The following FGF14 variants were observed in gnomAD, a reference collection of about 807,000 sequenced individuals.
FGF14 encodes the protein fibroblast growth factor 14.
In FGF14, 5 loss-of-function variants were observed where a neutral mutation model predicts 25.5. The ratio of observed to expected loss-of-function variants is 0.20; its 90% confidence interval spans 0.10 to 0.41. FGF14 has a LOEUF of 0.41. Among genes scored for constraint, FGF14 ranks in the 10% least tolerant of loss-of-function variants. The pLI is 1.00. For missense variants in FGF14, 222 were observed against 320.1 expected (o/e 0.69, Z 2.34); for synonymous variants, 138 against 118.3 (o/e 1.17, Z -1.08).
chr13:102,239,735 G>A (rs1344337419), intron 1 of FGF14, among the ~76,000 whole-genome samples: 2 of 152,128 alleles, frequency 1.3e-5, no homozygotes, highest in African/African-American at 4.8e-5. Context: ...TGGGTTTTAT[G>A]ACTCAGTATT....
At chr13:101,966,964 T>G (rs1280022557) in intron 1 of FGF14, among the ~76,000 whole-genome samples, 2 of 152,208 alleles carry the variant, frequency 1.3e-5, no homozygotes, top group African/African-American at 4.8e-5. Context: ...TGTAAGAATT[T>G]GGTTTGTCAG....
intron 1 of FGF14, among the ~76,000 whole-genome samples, chr13:102,093,335 C>T (rs1423848199): frequency 6.6e-6 from 1 of 152,040 alleles, no homozygotes; most frequent in African/African-American, 2.4e-5. Context: ...ACTTACTGAC[C>T]AAACATGGCA....
At chr13:101,873,835 C>G (rs890634892) in intron 2 of FGF14, among the ~76,000 whole-genome samples, 1 of 152,062 alleles carries the variant, frequency 6.6e-6, no homozygotes, top group Middle Eastern at 3.4e-3. Context: ...ATTGTTTTAC[C>G]TTCTCTTTTC....
At chr13:102,401,065 C>T (rs2058692809) in intron 1 of FGF14, among the ~76,000 whole-genome samples, 1 of 152,072 alleles carries the variant, frequency 6.6e-6, no homozygotes, top group Admixed American at 6.5e-5. Flanking sequence ...TTCTCGGAAC[C>T]CAGCTACGTC....
intron 1 of FGF14, among the ~76,000 whole-genome samples, chr13:102,306,968 G>C (rs558734718): frequency 8.9e-4 from 135 of 152,194 alleles, no homozygotes; most frequent in Non-Finnish European, 1.2e-3. Flanking sequence ...CCTCGAGATG[G>C]AAAGAGTATC....
intron 3 of FGF14, among the ~76,000 whole-genome samples, chr13:101,851,527 G>A (rs940951760): frequency 6.6e-6 from 1 of 152,014 alleles, no homozygotes; most frequent in Non-Finnish European, 1.5e-5. Flanking sequence ...TGTACAATCT[G>A]GACAAGGAAA....
At position 102,163,778 on chromosome 13, in the gene FGF14, C is replaced by T. The variant is rs557630992; in HGVS notation, c.208+237693G>A. ...TTTAGGAGTTTAGGCATTTCATACA[C>T]AGAATGGGAAGTCTCTGAAGGCTTT... On this transcript the variant is annotated intron_variant, in intron 1 of 4. Coordinates refer to the FGF14 transcript ENST00000376131. Among the ~76,000 whole-genome samples, 18 of 152,072 alleles carry T rather than the reference C, an allele frequency of 1.2e-4. No individual in the cohort carries two copies. The South Asian group carries it at 3.1e-3, about 26-fold the overall frequency.
At chr13:102,168,145 G>C (rs1485032836) in intron 1 of FGF14, among the ~76,000 whole-genome samples, 2 of 152,060 alleles carry the variant, frequency 1.3e-5, no homozygotes, top group Admixed American at 1.3e-4. Context: ...GAAAATTTAT[G>C]TTTGCATAGT....
At position 101,840,847 on chromosome 13, in the gene FGF14, TCTAA is replaced by T. The variant is rs1161271123; in HGVS notation, c.408+27874_408+27877del. Among the ~76,000 whole-genome samples, 6 of 151,972 alleles carry T rather than the reference TCTAA, an allele frequency of 3.9e-5. No individual in the cohort carries two copies. In the East Asian group the frequency reaches 5.8e-4, roughly 15 times the overall value. On this transcript the variant is annotated intron_variant, in intron 3 of 4. Transcript: ENST00000376143. ...TGTTTTTACAATGGATAATAAATAG[TCTAA>T]CTGAGTTCAGTAGTTTTAAACATTT...
At chr13:101,923,801 G>A (rs2034174078) in intron 1 of FGF14, among the ~76,000 whole-genome samples, 2 of 151,976 alleles carry the variant, frequency 1.3e-5, no homozygotes, top group African/African-American at 4.8e-5. Context: ...TTAATGTTTT[G>A]ATTCAATAAA....
intron 3 of FGF14, among the ~76,000 whole-genome samples, chr13:101,853,826 T>C (rs1329270952): frequency 6.6e-6 from 1 of 152,032 alleles, no homozygotes; most frequent in Non-Finnish European, 1.5e-5. Context: ...TAAAAAAAAT[T>C]ACAGACTGAT....
chr13:101,981,175 G>C (rs2038237022), intron 1 of FGF14, among the ~76,000 whole-genome samples: 3 of 151,602 alleles, frequency 2.0e-5, no homozygotes, highest in Non-Finnish European at 1.5e-5. Context: ...AGCTACTCGG[G>C]AGGCTGAGAC....
intron 1 of FGF14, among the ~76,000 whole-genome samples, chr13:102,225,090 T>G (rs1280336605): frequency 6.6e-6 from 1 of 152,090 alleles, no homozygotes; most frequent in Non-Finnish European, 1.5e-5. Context: ...TACCTCTTGA[T>G]TTAGAAAGCT....
intron 1 of FGF14, among the ~76,000 whole-genome samples, chr13:102,374,629 CAT>C (rs1288005219): frequency 9.9e-6 from 1 of 100,810 alleles, no homozygotes; most frequent in Non-Finnish European, 2.0e-5. Flanking sequence ...TTTTTTAATA[CAT>C]ATCTTACATA....
intron 3 of FGF14, among the ~76,000 whole-genome samples, chr13:101,862,984 T>C (rs1249648144): frequency 1.3e-5 from 2 of 152,236 alleles, no homozygotes; most frequent in East Asian, 3.9e-4. Context: ...TAAATGTATA[T>C]ATAATTTGAG....
At chr13:102,124,301 A>G (rs1594050866) in intron 1 of FGF14, among the ~76,000 whole-genome samples, 1 of 152,114 alleles carries the variant, frequency 6.6e-6, no homozygotes, top group Non-Finnish European at 1.5e-5. Flanking sequence ...AGTATAGGAA[A>G]GCATAATTTA....
chr13:102,210,003 C>T (rs2140916664), intron 1 of FGF14, among the ~76,000 whole-genome samples: 1 of 151,592 alleles, frequency 6.6e-6, no homozygotes, highest in Admixed American at 6.6e-5. Flanking sequence ...GTAATGTCAC[C>T]CCAGATGAAT....
In FGF14 at chr13:101,816,269, C is replaced by CAAAAAAAAAAAAAAAAAAAA. The variant is rs58615099; in HGVS notation, c.408+52455_408+52456insTTTTTTTTTTTTTTTTTTTT. Reference sequence around the variant, plus strand: ...TGGGGAACAGAGAGAGACTCCGTCTCAAAAAAAAAAAAAAAATTTGGCTTA... The same window carrying CAAAAAAAAAAAAAAAAAAAA: ...TGGGGAACAGAGAGAGACTCCGTCTCAAAAAAAAAAAAAAAAAAAAAAAAAAAAAAAAAAAATTTGGCTTA... On this transcript the variant is annotated intron_variant, in intron 3 of 4. Transcript: ENST00000376143. Among the ~76,000 whole-genome samples, 94 of 89,030 alleles carry CAAAAAAAAAAAAAAAAAAAA rather than the reference C, an allele frequency of 1.1e-3. 2 individuals are homozygous for CAAAAAAAAAAAAAAAAAAAA. Among genetic ancestry groups the CAAAAAAAAAAAAAAAAAAAA allele is most frequent in the African/African-American group, 3.8e-3 (77 of 20,128 alleles). 58.4% of individuals were successfully genotyped at this position (89,030 alleles called of 152,430 possible).
intron 1 of FGF14, among the ~76,000 whole-genome samples, chr13:102,341,109 G>A (rs1342846668): frequency 4.6e-5 from 7 of 151,960 alleles, no homozygotes; most frequent in African/African-American, 1.7e-4. Context: ...AAGTAAAAGG[G>A]GGGAAAAAAG....
Sources: allele counts gnomAD v4.1 joint callset (sites outside exome capture counted in the v4.1 genomes callset), GRCh38; gene constraint gnomAD v4.1.1; transcripts MANE v1.5; gene names NCBI Gene and HGNC (gene_info 2026-07-23, HGNC 2026-07-21).